The following HTT variants were observed in gnomAD, a reference collection of about 807,000 sequenced individuals.
HTT encodes huntingtin, also known as huntington disease protein.
In HTT, 104 loss-of-function variants were observed where a neutral mutation model predicts 362.3. The observed-to-expected ratio is 0.29, with a 90% CI of 0.24 to 0.34. The LOEUF is 0.34. Among genes scored for constraint, HTT ranks in the 10% least tolerant of loss-of-function variants. The probability of loss-of-function intolerance (pLI) is 1.00; values close to 1 mark genes in which losing one functional copy is unlikely to be tolerated. For missense variants in HTT, 3,301 were observed against 3,928.6 expected (o/e 0.84, Z 4.27); for synonymous variants, 1,577 against 1,548.7 (o/e 1.02, Z -0.43).
In HTT at chr4:3,209,883, G is replaced by C. The variant is rs760416403; in HGVS notation, c.6348G>C (p.Leu2116=). Residue 2116 remains leucine, a synonymous_variant, in exon 47 of 67, where the codon CTG becomes CTC. Transcript: ENST00000355072. ...SQCWTRSDSA[L]LEGAELVNRI... is the part of the protein sequence containing the mutation. Reference sequence around the variant, plus strand: ...GTTGGACCAGGTCAGATTCTGCACTGCTGGAAGGTGCAGAGCTGGTGAATC... The same window carrying C: ...GTTGGACCAGGTCAGATTCTGCACTCCTGGAAGGTGCAGAGCTGGTGAATC... 1.7e-5 allele frequency: 27 copies of C among 1,613,984 alleles called. 1 individual carries two copies. In the South Asian group the frequency reaches 3.0e-4, roughly 18 times the overall value.
At chr4:3,209,050 T>A in intron 46 of HTT, 139 bp downstream of exon 46, 1 of 942,534 alleles carries the variant, frequency 1.1e-6, no homozygotes, top group East Asian at 2.7e-5. Flanking sequence ...AAGCTGTGGT[T>A]AGAGACGTGG....
At chr4:3,117,557 G>A (rs1372381689) in intron 8 of HTT, among the ~76,000 whole-genome samples, 2 of 151,954 alleles carry the variant, frequency 1.3e-5, no homozygotes, top group Non-Finnish European at 2.9e-5. Context: ...TAAAATGATG[G>A]TCAGATGCAG....
intron 2 of HTT, among the ~76,000 whole-genome samples, chr4:3,089,357 T>A (rs1713382443): frequency 6.6e-6 from 1 of 152,030 alleles, no homozygotes; most frequent in African/African-American, 2.4e-5. Context: ...GGGTTCACGC[T>A]ATTCTCCTGC....
chr4:3,150,038 G>A (rs781341916), intron 26 of HTT, among the ~76,000 whole-genome samples: 1 of 152,106 alleles, frequency 6.6e-6, no homozygotes, highest in Non-Finnish European at 1.5e-5. Flanking sequence ...GGCCTCCTGG[G>A]TGTTCCCTTA....
At chr4:3,209,127 T>C (rs1038804812) in intron 46 of HTT, among the ~76,000 whole-genome samples, 5 of 151,786 alleles carry the variant, frequency 3.3e-5, no homozygotes, top group Non-Finnish European at 5.9e-5. Context: ...GAGTGTGGGG[T>C]GAGTAGTTAG....
At chr4:3,176,117 T>C (rs1718231362) in intron 33 of HTT, among the ~76,000 whole-genome samples, 1 of 149,906 alleles carries the variant, frequency 6.7e-6, no homozygotes, top group Non-Finnish European at 1.5e-5. Context: ...CAGCTCCGCC[T>C]CAGAGGTTCA....
At position 3,131,367 on chromosome 4, in the gene HTT, G is replaced by T. The variant is rs1027771909; in HGVS notation, c.2068G>T (p.Ala690Ser). The T allele has an allele frequency of 6.2e-7, 1 of 1,614,008 alleles. No individual in the cohort carries two copies. Among genetic ancestry groups the T allele is most frequent in the Non-Finnish European group, 8.5e-7 (1 of 1,179,936 alleles). Residue 690 changes from alanine (A) to serine (S), a missense_variant, in exon 15 of 67, where the codon GCT (alanine) becomes TCT (serine). Transcript: ENST00000355072. ...TGTCCATTGTGTCCGCCTTTTATCT[G>T]CTTCGTTTTTGCTAACAGGGGGAAA... ...PLVHCVRLLS[A>S]SFLLTGGKNV...
At chr4:3,091,031 G>A (rs1436926890) in intron 2 of HTT, among the ~76,000 whole-genome samples, 1 of 152,244 alleles carries the variant, frequency 6.6e-6, no homozygotes, top group Non-Finnish European at 1.5e-5. Context: ...AGAATTGCTT[G>A]AACCCAGGAG....
At chr4:3,116,343 G>A (rs1715026084) in intron 8 of HTT, 80 bp downstream of exon 8, 2 of 1,261,798 alleles carry the variant, frequency 1.6e-6, no homozygotes, top group Admixed American at 3.9e-5. Context: ...AAGAGAAGCG[G>A]CAGAACCGAG....
At chr4:3,166,685 C>T (rs781645067) in intron 29 of HTT, among the ~76,000 whole-genome samples, 19 of 152,216 alleles carry the variant, frequency 1.2e-4, no homozygotes, top group South Asian at 2.1e-4. Context: ...CATCCCAGGT[C>T]GATTTCAGAG....
At chr4:3,122,993 C>A in intron 10 of HTT, 57 bp downstream of exon 10, 1 of 1,370,694 alleles carries the variant, frequency 7.3e-7, no homozygotes, top group Non-Finnish European at 1.0e-6. Flanking sequence ...TCTTGTATTT[C>A]TGTAATGTAA....
intron 1 of HTT, among the ~76,000 whole-genome samples, chr4:3,085,252 C>T (rs984806548): frequency 1.3e-5 from 2 of 151,922 alleles, no homozygotes; most frequent in Non-Finnish European, 2.9e-5. Flanking sequence ...GTTCTTCTGC[C>T]GCAGCCTCCC....
In HTT at chr4:3,213,980, A is replaced by G. The variant is rs202236016; in HGVS notation, c.6797A>G (p.His2266Arg). The change falls in exon 50 of 67, where the codon CAT becomes CGT. Residue 2266 changes from histidine to arginine, a missense_variant. By Grantham distance (29) the His-to-Arg change is conservative (BLOSUM62 0). This residue lies in a region of HTT where 220 missense variants were observed against 218.5 expected (regional missense o/e 1.01). Coordinates refer to ENST00000355072, the MANE Select transcript of HTT (RefSeq NM_001388492.1). ...TLEALSWHLI[H>R]EQIPLSLDLQ... ...TAGGCCCTGTCCTGGCATTTGATCC[A>G]TGAGCAGATCCCGCTGAGTCTGGAT... The G allele has an allele frequency of 8.2e-6, 13 of 1,586,312 alleles. No individual in the cohort carries two copies. Among genetic ancestry groups the G allele is most frequent in the Admixed American group, 1.7e-5 (1 of 57,374 alleles).
chr4:3,198,214 G>GTTTT (rs1491010672), intron 40 of HTT, among the ~76,000 whole-genome samples: 1 of 89,356 alleles, frequency 1.1e-5, no homozygotes, highest in African/African-American at 4.7e-5. Flanking sequence ...GGGATGTGTT[G>GTTTT]ATTTTTTTTT....
At chr4:3,196,353 G>C (rs905388685) in intron 40 of HTT, among the ~76,000 whole-genome samples, 4 of 152,206 alleles carry the variant, frequency 2.6e-5, no homozygotes, top group South Asian at 4.2e-4. Flanking sequence ...TCCTCCTGCC[G>C]GCTTCCTGGC....
At chr4:3,216,003 T>A (rs750040745) in intron 51 of HTT, among the ~76,000 whole-genome samples, 30 of 152,316 alleles carry the variant, frequency 2.0e-4, no homozygotes, top group Non-Finnish European at 3.7e-4. Flanking sequence ...TCCACACATT[T>A]TACACAGCAC....
At chr4:3,099,938 C>CTA (rs567817687) in intron 3 of HTT, among the ~76,000 whole-genome samples, 2 of 149,222 alleles carry the variant, frequency 1.3e-5, no homozygotes, top group African/African-American at 2.5e-5. Flanking sequence ...TGGAGGTGCT[C>CTA]TTGTATGGTT....
In HTT at chr4:3,212,138, G is replaced by T; in HGVS notation, c.6624G>T (p.Leu2208=). 1 of 1,606,862 alleles carries T rather than the reference G, an allele frequency of 6.2e-7. No individual in the cohort carries two copies. Among genetic ancestry groups the T allele is most frequent in the Non-Finnish European group, 8.5e-7 (1 of 1,174,794 alleles). Residue 2208 remains leucine, a synonymous_variant, in exon 48 of 67, where the codon CTG becomes CTT. Coordinates refer to ENST00000355072, the MANE Select transcript of HTT (RefSeq NM_001388492.1). The part of the protein sequence containing the change: ...PAAYWSKLND[L]FGDAALYQSL... ...CCTACTGGAGCAAGTTGAATGATCTGTTTGGTAATTAAAATTAAAATTTAT... is the reference window on the plus strand; with the variant it reads ...CCTACTGGAGCAAGTTGAATGATCTTTTTGGTAATTAAAATTAAAATTTAT...
intron 59 of HTT, 136 bp from the exon 60 acceptor site, chr4:3,229,751 A>AC (rs1721156938): frequency 1.1e-6 from 1 of 935,820 alleles, no homozygotes; most frequent in African/African-American, 1.6e-5. Flanking sequence ...CCACACACAC[A>AC]CGCACACATG....
Sources: allele counts gnomAD v4.1 joint callset (sites outside exome capture counted in the v4.1 genomes callset), GRCh38; gene constraint gnomAD v4.1.1; regional missense constraint gnomAD v4.1.1; transcripts MANE v1.5; gene names NCBI Gene and HGNC (gene_info 2026-07-23, HGNC 2026-07-21).